The following CDK16 variants were observed in gnomAD, a reference collection of about 807,000 sequenced individuals.
CDK16 encodes the protein cyclin-dependent kinase 16.
A neutral mutation model predicts 41.6 loss-of-function variants in CDK16; 2 were observed. The observed-to-expected ratio is 0.05, with a 90% CI of 0.02 to 0.15. The LOEUF (loss-of-function observed/expected upper bound fraction) is 0.15. CDK16 is among the 10% of genes least tolerant of loss of function. The pLI is 1.00. For synonymous variants in CDK16, 169 were observed against 169.7 expected (o/e 1.00, Z 0.03); for missense variants, 228 against 428.9 (o/e 0.53, Z 4.14).
Position 47,218,734 on chromosome X carries a change from G to C in CDK16, c.-378G>C, listed in dbSNP as rs1556796153. 5 of 1,160,371 alleles carry C rather than the reference G, an allele frequency of 4.3e-6. No individual in the cohort carries two copies. The highest frequency in any genetic ancestry group is 2.3e-4 in the Middle Eastern group (1 of 4,285). ...CGCATGCGCGGAGCGCGGCGCGCGC[G>C]GCGGTTGGGCCGTTGGCTGTTCGGC... On this transcript the variant is annotated 5_prime_UTR_variant, in exon 1 of 16. Coordinates refer to ENST00000357227, the MANE Select transcript of CDK16 (RefSeq NM_006201.5).
intron 7 of CDK16, 49 bp downstream of exon 7, chrX:47,225,915 G>C: frequency 8.4e-7 from 1 of 1,196,781 alleles, no homozygotes; most frequent in Non-Finnish European, 1.1e-6. Context: ...GAGAAGGCCA[G>C]GAGCCATAGG....
rs764418822 is a variant in CDK16 at position 47,223,619 on chromosome X, T to C, written c.62T>C (p.Ile21Thr). The part of the protein sequence containing the change: ...LSMTLRGGRG[I>T]DKTNGAPEQI... ...ATGACACTCCGAGGTGGCCGAGGCA[T>C]AGACAAGACCAATGGTGCCCCTGAG... is the stretch of plus-strand genomic sequence containing the variant. The change falls in exon 2 of 16, where the codon ATA (isoleucine) becomes ACA (threonine). Residue 21 changes from isoleucine to threonine, a missense_variant. Ile to Thr is a moderately conservative substitution (Grantham distance 89). This residue lies in a region of CDK16 where 71 missense variants were observed against 102.2 expected (regional missense o/e 0.69). Transcript: ENST00000357227. 5.8e-6 allele frequency: 7 copies of C among 1,209,867 alleles called. No individual in the cohort carries two copies. The African/African-American group carries it at 1.2e-4, about 21-fold the overall frequency.
chrX:47,222,912 A>C (rs1602679822), intron 1 of CDK16: 21 of 301,644 alleles, frequency 7.0e-5, no homozygotes, highest in East Asian at 2.6e-4. Flanking sequence ...ACACAATCCC[A>C]CCCAGTGGTT....
chrX:47,221,356 C>A (rs549974655), intron 1 of CDK16, among the ~76,000 whole-genome samples: 2 of 111,953 alleles, frequency 1.8e-5, no homozygotes, highest in African/African-American at 6.5e-5. Context: ...AGTTTCCTTG[C>A]GTATAAATGT....
At chrX:47,226,745 G>A (rs1937557011) in intron 10 of CDK16, 42 bp downstream of exon 10, 1 of 1,187,510 alleles carries the variant, frequency 8.4e-7, no homozygotes, top group African/African-American at 1.7e-5. Context: ...TGTGGTAAAG[G>A]GGGTGGCTTG....
At chrX:47,224,105 C>T (rs1937469428) in intron 2 of CDK16, among the ~76,000 whole-genome samples, 2 of 111,280 alleles carry the variant, frequency 1.8e-5, no homozygotes, top group African/African-American at 6.6e-5. Flanking sequence ...CCCTTGGCTT[C>T]CCCTGCCACC....
Position 47,229,254 on chromosome X carries a change from T to C in CDK16, c.*486T>C. On this transcript the variant is annotated 3_prime_UTR_variant, in exon 16 of 16. Coordinates refer to ENST00000357227, the MANE Select transcript of CDK16 (RefSeq NM_006201.5). Reference sequence around the variant, plus strand: ...TTGTGTGGGCCTTTTTTTGTTTGTTTCATTCATTGTTTTTTTTTTTTTAAT... The same window carrying C: ...TTGTGTGGGCCTTTTTTTGTTTGTTCCATTCATTGTTTTTTTTTTTTTAAT... 1 of 218,611 alleles carries C rather than the reference T, an allele frequency of 4.6e-6. No homozygotes were observed. The highest frequency in any genetic ancestry group is 5.5e-5 in the South Asian group (1 of 18,118). 18.0% of individuals were successfully genotyped at this position (218,611 alleles called of 1,213,427 possible).
Position 47,224,365 on chromosome X carries a change from A to G in CDK16, c.203-20A>G, listed in dbSNP as rs1433996436. 1.7e-6 allele frequency: 2 copies of G among 1,172,580 alleles called. No homozygotes were observed. Among genetic ancestry groups the G allele is most frequent in the Admixed American group, 4.8e-5 (2 of 42,060 alleles). ...TTCCTGACCCCACCTGGCCTGCCCTACCCCTCTCCCTGCCACCAGAGATTG... is the reference window on the plus strand; with the variant it reads ...TTCCTGACCCCACCTGGCCTGCCCTGCCCCTCTCCCTGCCACCAGAGATTG... On this transcript the variant is annotated intron_variant, in intron 2 of 15. Coordinates refer to ENST00000357227, the MANE Select transcript of CDK16 (RefSeq NM_006201.5).
intron 2 of CDK16, 89 bp from the exon 3 acceptor site, chrX:47,224,296 T>G: frequency 5.0e-6 from 5 of 1,004,945 alleles, no homozygotes; most frequent in Non-Finnish European, 6.7e-6. Context: ...TGCACACATG[T>G]GTGATGATGG....
At chrX:47,221,039 T>C (rs760092923) in intron 1 of CDK16, among the ~76,000 whole-genome samples, 1 of 111,332 alleles carries the variant, frequency 9.0e-6, no homozygotes, top group East Asian at 2.8e-4. Context: ...CGGTATGTTA[T>C]GTGTTAGGGC....
In CDK16 at chrX:47,225,089, C is replaced by A. The variant is rs776745143; in HGVS notation, c.621C>A (p.Thr207=). 3.6e-5 allele frequency: 43 copies of A among 1,192,769 alleles called. No homozygotes were observed. The Admixed American group carries it at 8.5e-4, about 24-fold the overall frequency. The change falls in exon 6 of 16, where the codon ACC becomes ACA. Residue 207 remains threonine (T), a synonymous_variant. Coordinates refer to ENST00000357227, the MANE Select transcript of CDK16 (RefSeq NM_006201.5). ...AACATGAAGAGGGGGCACCCTGCAC[C>A]GCCATCCGGGAAGGTACACACCCCC... ...RLEHEEGAPC[T]AIREVSLLKD...
intron 1 of CDK16, among the ~76,000 whole-genome samples, chrX:47,221,211 T>C (rs1216183350): frequency 3.6e-5 from 4 of 111,222 alleles, no homozygotes; most frequent in African/African-American, 1.3e-4. Context: ...AGTCTGAGGA[T>C]GGGTGTATGT....
At position 47,227,047 on chromosome X, in the gene CDK16, A is replaced by C; in HGVS notation, c.1189A>C (p.Thr397Pro). 8.3e-7 allele frequency: 1 copy of C among 1,211,875 alleles called. No homozygotes were observed. The highest frequency in any genetic ancestry group is 1.1e-6 in the Non-Finnish European group (1 of 895,436). ...CATCCTGTCCAACGAGGAGTTCAAG[A>C]CATACAACTACCCCAAGTACCGAGC... ...PGILSNEEFKTYNYPKYRAEA... is the reference protein window; with the variant it reads ...PGILSNEEFKPYNYPKYRAEA... Residue 397 changes from threonine (T) to proline (P), a missense_variant, in exon 12 of 16, where the codon ACA (threonine) becomes CCA (proline). Physicochemically the swap from Thr to Pro is conservative, Grantham distance 38 (BLOSUM62 -1). Transcript: ENST00000357227.
Position 47,219,057 on chromosome X carries a change from G to A in CDK16, c.-55G>A. 1 of 820,090 alleles carries A rather than the reference G, an allele frequency of 1.2e-6. No individual in the cohort carries two copies. The highest frequency in any genetic ancestry group is 1.5e-6 in the Non-Finnish European group (1 of 683,794). The allele number at this position is 820,090 out of a possible 1,213,427, so 67.6% of individuals were successfully genotyped here. ...CTCATCCCGGGCCGCCGCCCCAGGC[G>A]CCGCCGCGCCGGCCCCGCGGCTCTG... On this transcript the variant is annotated 5_prime_UTR_variant, in exon 1 of 16. Coordinates refer to ENST00000357227, the MANE Select transcript of CDK16 (RefSeq NM_006201.5).
intron 14 of CDK16, chrX:47,228,333 G>T (rs1410465338): frequency 1.9e-5 from 7 of 367,402 alleles, no homozygotes; most frequent in African/African-American, 1.3e-4. Flanking sequence ...GGTGGTAATT[G>T]CAATACCATA....
rs1382655558 is a variant in CDK16 at position 47,219,237 on chromosome X, C to CG, written c.-7+138dup. 41 of 655,092 alleles carry CG rather than the reference C, an allele frequency of 6.3e-5. No homozygotes were observed. In the East Asian group the frequency reaches 6.5e-4, roughly 10 times the overall value. The allele number at this position is 655,092 out of a possible 1,213,427, so 54.0% of individuals were successfully genotyped here. A position where few individuals can be genotyped will look rare whatever the true frequency, so the allele number is the denominator to read the frequency against. On this transcript the variant is annotated intron_variant, in intron 1 of 15. Coordinates refer to ENST00000357227, the MANE Select transcript of CDK16 (RefSeq NM_006201.5). ...GCGAATTTCCCAGAATGCACCGGGG[C>CG]GGGGGGTCATTTGGGGCCTCCCTGA...
At chrX:47,222,608 C>T (rs1325494863) in intron 1 of CDK16, among the ~76,000 whole-genome samples, 1 of 80,713 alleles carries the variant, frequency 1.2e-5, no homozygotes, top group Non-Finnish European at 2.2e-5. Flanking sequence ...CGAGGTGGGA[C>T]TCTACTGGGT....
At chrX:47,226,163 CTT>C in intron 8 of CDK16, 114 bp from the exon 9 acceptor site, 1 of 1,137,677 alleles carries the variant, frequency 8.8e-7, no homozygotes, top group Non-Finnish European at 1.2e-6. Context: ...ACCCTGTCCT[CTT>C]TTGTGTGACA....
chrX:47,227,008 G>A lies in CDK16; in HGVS notation c.1150G>A (p.Glu384Lys). 8.3e-7 allele frequency: 1 copy of A among 1,211,645 alleles called. No homozygotes were observed. Among genetic ancestry groups the A allele is most frequent in the South Asian group, 1.8e-5 (1 of 57,000 alleles). ...IFRILGTPTEETWPGILSNEE... is the reference protein window; with the variant it reads ...IFRILGTPTEKTWPGILSNEE... ...TTCCCTACTAGGAACCCCAACTGAG[G>A]AGACGTGGCCAGGCATCCTGTCCAA... The change falls in exon 12 of 16, where the codon GAG becomes AAG. Residue 384 changes from glutamate to lysine, a missense_variant. Glu to Lys is a moderately conservative substitution (Grantham distance 56). Coordinates refer to ENST00000357227, the MANE Select transcript of CDK16 (RefSeq NM_006201.5).
Sources: allele counts gnomAD v4.1 joint callset (sites outside exome capture counted in the v4.1 genomes callset), GRCh38; gene constraint gnomAD v4.1.1; regional missense constraint gnomAD v4.1.1; transcripts MANE v1.5; gene names NCBI Gene and HGNC (gene_info 2026-07-23, HGNC 2026-07-21).